The following NALF1 variants were observed in gnomAD, a reference collection of about 807,000 sequenced individuals.
The protein encoded by NALF1 is NALCN channel auxiliary factor 1.
A neutral mutation model predicts 48.4 loss-of-function variants in NALF1; 3 were observed. That is an observed-to-expected ratio of 0.06 (90% CI 0.03 to 0.16). The LOEUF is 0.16. NALF1 is among the 10% of genes least tolerant of loss of function. NALF1 has a pLI of 1.00. For missense variants in NALF1, 526 were observed against 571.5 expected (o/e 0.92, Z 0.81); for synonymous variants, 262 against 245.7 (o/e 1.07, Z -0.62).
intron 1 of NALF1, among the ~76,000 whole-genome samples, chr13:107,289,614 G>A (rs997699841): frequency 1.3e-5 from 2 of 152,152 alleles, no homozygotes; most frequent in Non-Finnish European, 2.9e-5. Context: ...AGAAAGCAAC[G>A]AATGAGAGGA....
At chr13:107,825,058 A>G (rs1255794186) in intron 1 of NALF1, among the ~76,000 whole-genome samples, 1 of 152,224 alleles carries the variant, frequency 6.6e-6, no homozygotes, top group Non-Finnish European at 1.5e-5. Flanking sequence ...GATATTTAGA[A>G]AGGAAAGGCA....
chr13:107,502,328 T>C (rs1016763995), intron 1 of NALF1, among the ~76,000 whole-genome samples: 1 of 152,140 alleles, frequency 6.6e-6, no homozygotes, highest in East Asian at 1.9e-4. Context: ...CTGTAGCAAA[T>C]GCAAACAGTC....
chr13:107,844,493 C>T (rs897480645), intron 1 of NALF1, among the ~76,000 whole-genome samples: 14 of 152,102 alleles, frequency 9.2e-5, no homozygotes, highest in African/African-American at 3.4e-4. Flanking sequence ...GAATATTCCA[C>T]AATAAGTATA....
At chr13:107,410,449 C>A (rs1238762173) in intron 1 of NALF1, among the ~76,000 whole-genome samples, 9 of 152,220 alleles carry the variant, frequency 5.9e-5, no homozygotes, top group South Asian at 2.1e-4. Flanking sequence ...AAGACATTGG[C>A]AATATCCAAC....
At chr13:107,436,896 T>C (rs1049699996) in intron 1 of NALF1, among the ~76,000 whole-genome samples, 3 of 152,164 alleles carry the variant, frequency 2.0e-5, no homozygotes, top group African/African-American at 7.2e-5. Flanking sequence ...CTATTTTGTT[T>C]TATGTACTAA....
chr13:107,590,564 T>A (rs1243559127), intron 1 of NALF1, among the ~76,000 whole-genome samples: 1 of 151,904 alleles, frequency 6.6e-6, no homozygotes, highest in Non-Finnish European at 1.5e-5. Flanking sequence ...TTTGGTGACA[T>A]CAAGAAAGAT....
intron 1 of NALF1, among the ~76,000 whole-genome samples, chr13:107,618,669 A>G (rs982364845): frequency 2.0e-5 from 3 of 152,106 alleles, no homozygotes; most frequent in East Asian, 1.9e-4. Context: ...GGAAGACTTC[A>G]TGTGTGTGTC....
intron 1 of NALF1, among the ~76,000 whole-genome samples, chr13:107,633,032 A>T (rs1169911317): frequency 1.3e-5 from 2 of 152,060 alleles, no homozygotes; most frequent in African/African-American, 4.8e-5. Flanking sequence ...TTTTAGAAAG[A>T]GAGAATAGTT....
In NALF1 at chr13:107,866,249, G is replaced by A; in HGVS notation, c.348C>T (p.Ala116=). The A allele has an allele frequency of 6.3e-7, 1 of 1,592,222 alleles. No individual in the cohort carries two copies. Among genetic ancestry groups the A allele is most frequent in the South Asian group, 1.1e-5 (1 of 89,134 alleles). ...LLASMGESSP[A]AQAHRLLSAS... Reference sequence around the variant, plus strand: ...CGGAGAGGAGTCTGTGTGCCTGGGCGGCGGGCGAGGACTCCCCCATGCTCG... The same window carrying A: ...CGGAGAGGAGTCTGTGTGCCTGGGCAGCGGGCGAGGACTCCCCCATGCTCG... The change falls in exon 1 of 3, where the codon GCC becomes GCT. Residue 116 remains alanine, a synonymous_variant. Coordinates refer to ENST00000375915, the MANE Select transcript of NALF1 (RefSeq NM_001080396.3). The surrounding 1 kb of genome is among the most constrained non-coding windows in gnomAD (Gnocchi z 4.4).
rs539858508 is a variant in NALF1 at position 107,727,037 on chromosome 13, C to G, written c.915+138645G>C. 4.0e-5 allele frequency among the ~76,000 whole-genome samples: 6 copies of G among 148,426 alleles called. No individual in the cohort carries two copies. In the East Asian group the frequency reaches 1.2e-3, roughly 30 times the overall value. On this transcript the variant is annotated intron_variant, in intron 1 of 2. Coordinates refer to ENST00000375915, the MANE Select transcript of NALF1 (RefSeq NM_001080396.3). ...ATGTTGGTCAGGCTGGTCTCGAACT[C>G]CTGACCTCATGATCCTCCCTCCTTG...
intron 1 of NALF1, among the ~76,000 whole-genome samples, chr13:107,447,042 C>T (rs962407126): frequency 3.9e-5 from 6 of 152,052 alleles, no homozygotes; most frequent in South Asian, 4.1e-4. Context: ...AATGAAGTAC[C>T]GTATTGGGAT....
chr13:107,784,294 T>A (rs1409874496), intron 1 of NALF1, among the ~76,000 whole-genome samples: 1 of 152,214 alleles, frequency 6.6e-6, no homozygotes, highest in African/African-American at 2.4e-5. Context: ...GGAAACCGCA[T>A]GCTGCAGGTA....
intron 1 of NALF1, among the ~76,000 whole-genome samples, chr13:107,467,175 G>C (rs1885017947): frequency 6.6e-6 from 1 of 151,788 alleles, no homozygotes; most frequent in Admixed American, 6.6e-5. Flanking sequence ...AATACATGTT[G>C]GTAGTCTTTT....
rs1381087336 is a variant in NALF1 at position 107,470,438 on chromosome 13, T to C, written c.916-259683A>G. 3.3e-5 allele frequency among the ~76,000 whole-genome samples: 5 copies of C among 152,342 alleles called. No individual in the cohort carries two copies. The South Asian group carries it at 8.3e-4, about 25-fold the overall frequency. On this transcript the variant is annotated intron_variant, in intron 1 of 2. Coordinates refer to ENST00000375915, the MANE Select transcript of NALF1 (RefSeq NM_001080396.3). ...AGACAGTCAGACACATTTGTTCATA[T>C]GATATACTGTAAATCCAGGGAAGTC...
At chr13:107,192,068 T>G (rs908887707) in intron 2 of NALF1, among the ~76,000 whole-genome samples, 1 of 151,906 alleles carries the variant, frequency 6.6e-6, no homozygotes, top group Non-Finnish European at 1.5e-5. Flanking sequence ...ACAGAAAGGA[T>G]TATGTATTGA....
intron 1 of NALF1, among the ~76,000 whole-genome samples, chr13:107,723,160 G>C (rs1175722238): frequency 6.6e-6 from 1 of 152,100 alleles, no homozygotes; most frequent in Admixed American, 6.5e-5. Flanking sequence ...CTGAGCATGC[G>C]ATTCCTGGGA....
intron 1 of NALF1, among the ~76,000 whole-genome samples, chr13:107,684,629 C>T (rs188431856): frequency 6.6e-5 from 10 of 152,222 alleles, no homozygotes; most frequent in Admixed American, 3.9e-4. Flanking sequence ...AAATAGAATA[C>T]TGACAATAGA....
chr13:107,503,924 AT>A (rs35141844), intron 1 of NALF1, among the ~76,000 whole-genome samples: 23,828 of 146,828 alleles, frequency 0.16, 2,154 homozygotes, highest in Non-Finnish European at 0.2. Context: ...CTTACATGTG[AT>A]TTTTTTTTTT....
intron 2 of NALF1, among the ~76,000 whole-genome samples, chr13:107,204,024 TCCC>T (rs1180133119): frequency 0.019 from 2,057 of 110,778 alleles, 75 homozygotes; most frequent in African/African-American, 0.059. Context: ...CCACAAGCTC[TCCC>T]TGCTCTCCAG....
Sources: gnomAD v4.1 joint callset for allele counts (sites outside exome capture counted in the v4.1 genomes callset) on GRCh38, gnomAD v4.1.1 for gene constraint, Gnocchi (gnomAD v3.1) non-coding constraint, MANE v1.5 for transcripts, NCBI Gene and HGNC (gene_info 2026-07-23, HGNC 2026-07-21) for gene names.